The following UBE2D3 variants were observed in gnomAD, a reference collection of about 807,000 sequenced individuals.
The protein encoded by UBE2D3 is ubiquitin-conjugating enzyme E2 D3.
In UBE2D3, 2 loss-of-function variants were observed where a neutral mutation model predicts 22.8. The ratio of observed to expected loss-of-function variants is 0.09; its 90% confidence interval spans 0.04 to 0.28. The LOEUF (loss-of-function observed/expected upper bound fraction) is 0.28, where lower values mean the gene tolerates loss of function less well. Ranked by LOEUF, UBE2D3 falls within the 10% of genes least tolerant of loss-of-function variation. The pLI, the probability that UBE2D3 is intolerant of heterozygous loss-of-function variation, is 1.00. For synonymous variants in UBE2D3, 56 were observed against 60.4 expected, an observed-to-expected ratio of 0.93 and a Z score of 0.34; for missense variants, 27 against 182.5, an observed-to-expected ratio of 0.15 and a Z score of 4.91.
At chr4:102,826,664 C>T in intron 1 of UBE2D3, 28 bp from the exon 2 acceptor site, 5 of 1,533,384 alleles carry the variant, frequency 3.3e-6, no homozygotes, top group South Asian at 1.2e-5. Flanking sequence ...CAGATCAGCA[C>T]TCGCACAGGC....
At chr4:102,801,396 T>A in intron 6 of UBE2D3, 58 bp downstream of exon 6, 1 of 1,415,624 alleles carries the variant, frequency 7.1e-7, no homozygotes, top group Admixed American at 1.8e-5. Context: ...GATAAGTAGA[T>A]CTAAGAATGA....
intron 4 of UBE2D3, among the ~76,000 whole-genome samples, chr4:102,806,843 C>G (rs1279176394): frequency 6.6e-6 from 1 of 152,068 alleles, no homozygotes; most frequent in Non-Finnish European, 1.5e-5. Flanking sequence ...CGCCCCCCTC[C>G]CCAAAAAAAC....
At chr4:102,807,469 C>A (rs17033306) in intron 4 of UBE2D3, among the ~76,000 whole-genome samples, 2,467 of 152,220 alleles carry the variant, frequency 0.016, 65 homozygotes, top group African/African-American at 0.053. Flanking sequence ...TTTACCCAAC[C>A]AACAGTGAGA....
rs185834660 is a variant in UBE2D3 at position 102,801,235 on chromosome 4, T to C, written c.304+219A>G. Among the ~76,000 whole-genome samples the C allele has an allele frequency of 2.6e-5, 4 of 152,158 alleles. No individual in the cohort carries two copies. The East Asian group carries it at 7.7e-4, about 29-fold the overall frequency. ...ATAAGATGAGATGAAGGTAACTCAT[T>C]AGGCAAATAATGCCTACTCACCACA... On this transcript the variant is annotated intron_variant, in intron 6 of 7. Transcript: ENST00000453744.
intron 1 of UBE2D3, among the ~76,000 whole-genome samples, chr4:102,865,724 G>A (rs1002227157): frequency 1.3e-4 from 20 of 152,080 alleles, no homozygotes; most frequent in Admixed American, 2.6e-4. Context: ...TAGAGATTTG[G>A]GCTATATCTT....
At chr4:102,825,700 A>G in intron 2 of UBE2D3, 4 of 686,078 alleles carry the variant, frequency 5.8e-6, no homozygotes, top group Non-Finnish European at 6.9e-6. Flanking sequence ...GTTATTAAAT[A>G]GAATGAGGCA....
intron 2 of UBE2D3, among the ~76,000 whole-genome samples, chr4:102,817,765 AT>A (rs1328115656): frequency 1.3e-5 from 2 of 152,112 alleles, no homozygotes; most frequent in Admixed American, 6.5e-5. Flanking sequence ...ATCCAGTACT[AT>A]TTTTCAAGTT....
intron 1 of UBE2D3, among the ~76,000 whole-genome samples, chr4:102,868,069 A>ATT (rs1347875621): frequency 1.1e-5 from 1 of 92,288 alleles, no homozygotes; most frequent in Non-Finnish European, 2.1e-5. Context: ...AAGGCTTTAG[A>ATT]TTCTTTTTTT....
chr4:102,826,529 C>A lies in UBE2D3; in HGVS notation c.-21G>T. 6.2e-7 allele frequency: 1 copy of A among 1,613,020 alleles called. No individual in the cohort carries two copies. The highest frequency in any genetic ancestry group is 1.3e-5 in the African/African-American group (1 of 74,932). On this transcript the variant is annotated 5_prime_UTR_variant, in exon 2 of 8. Transcript: ENST00000453744. ...GCCATAGTGTGTGCTTGTCGTCTGG[C>A]TCCTCACTCTCTCGGTGTATGCTCA...
intron 1 of UBE2D3, 92 bp downstream of exon 1, chr4:102,827,335 C>G: frequency 1.0e-6 from 1 of 977,826 alleles, no homozygotes; most frequent in Non-Finnish European, 1.2e-6. Context: ...GCTGGCCGCT[C>G]AAGCCGCCCA....
chr4:102,827,951 CGAG>C (rs1730851428), upstream of UBE2D3: 1 of 985,546 alleles, frequency 1.0e-6, no homozygotes, highest in Non-Finnish European at 1.2e-6. Context: ...CACTTGGTAT[CGAG>C]GAGACGACTC....
At chr4:102,835,692 ATTG>A (rs1172679849) in intron 1 of UBE2D3, among the ~76,000 whole-genome samples, 9 of 152,224 alleles carry the variant, frequency 5.9e-5, no homozygotes, top group Non-Finnish European at 8.8e-5. Flanking sequence ...CCACAGCTAC[ATTG>A]TTATGTTTTT....
At chr4:102,831,082 A>T (rs909192104), upstream of UBE2D3, among the ~76,000 whole-genome samples, 33 of 152,204 alleles carry the variant, frequency 2.2e-4, no homozygotes, top group African/African-American at 7.2e-4. Flanking sequence ...TAATTTTGTT[A>T]CAGAATATTA....
chr4:102,849,521 A>C (rs375701607), intron 1 of UBE2D3, among the ~76,000 whole-genome samples: 148 of 152,278 alleles, frequency 9.7e-4, no homozygotes, highest in African/African-American at 3.5e-3. Flanking sequence ...AGAATATATA[A>C]ATGATTCCTA....
intron 1 of UBE2D3, among the ~76,000 whole-genome samples, chr4:102,850,109 A>G (rs777641931): frequency 6.6e-6 from 1 of 152,204 alleles, no homozygotes; most frequent in African/African-American, 2.4e-5. Context: ...ATATGAACAA[A>G]CGATAAACAC....
At chr4:102,798,233 A>G (rs1725507647) in intron 7 of UBE2D3, among the ~76,000 whole-genome samples, 1 of 146,664 alleles carries the variant, frequency 6.8e-6, no homozygotes, top group Non-Finnish European at 1.5e-5. Context: ...TACTCATGCC[A>G]TAGACTACTT....
At chr4:102,852,392 T>C (rs1407646182) in intron 1 of UBE2D3, among the ~76,000 whole-genome samples, 1 of 152,234 alleles carries the variant, frequency 6.6e-6, no homozygotes, top group African/African-American at 2.4e-5. Flanking sequence ...AATATGTGTT[T>C]TTCACATTCC....
chr4:102,809,470 G>A (rs1283611680), intron 4 of UBE2D3: 1 of 599,458 alleles, frequency 1.7e-6, no homozygotes, highest in Non-Finnish European at 2.9e-6. Context: ...ACTCTAGAAC[G>A]TGAACACAGG....
chr4:102,852,973 A>T (rs943338232), intron 1 of UBE2D3, among the ~76,000 whole-genome samples: 1 of 152,086 alleles, frequency 6.6e-6, no homozygotes, highest in African/African-American at 2.4e-5. Context: ...AATGCATAGT[A>T]AAATTTTACT....
Sources: gnomAD v4.1 joint callset for allele counts (sites outside exome capture counted in the v4.1 genomes callset) on GRCh38, gnomAD v4.1.1 for gene constraint, MANE v1.5 for transcripts, NCBI Gene and HGNC (gene_info 2026-07-23, HGNC 2026-07-21) for gene names.